The following PKD1 variants were observed in gnomAD, a reference collection of about 807,000 sequenced individuals.
PKD1 encodes polycystin 1, transient receptor potential channel interacting, also known as polycystin-1.
A neutral mutation model predicts 361.7 loss-of-function variants in PKD1; 81 were observed. That is an observed-to-expected ratio of 0.22 (90% CI 0.19 to 0.27). PKD1 has a LOEUF of 0.27. Ranked by LOEUF, PKD1 falls within the 10% of genes least tolerant of loss-of-function variation. The probability of loss-of-function intolerance (pLI) is 1.00; values close to 1 mark genes in which losing one functional copy is unlikely to be tolerated. For missense variants in PKD1, 6,399 were observed against 6,118.3 expected (o/e 1.05, Z -1.53); for synonymous variants, 3,615 against 2,818.3 (o/e 1.28, Z -8.95).
intron 10 of PKD1, 134 bp from the exon 11 acceptor site, chr16:2,115,059 C>T (rs1461380267): frequency 6.0e-6 from 9 of 1,495,390 alleles, no homozygotes; most frequent in African/African-American, 4.1e-5. Flanking sequence ...CCACAGTGCT[C>T]GTGACAAGGA....
chr16:2,119,301 A>G lies in PKD1; in HGVS notation c.287+6T>C. The G allele has an allele frequency of 8.6e-7, 1 of 1,159,060 alleles. No individual in the cohort carries two copies. The highest frequency in any genetic ancestry group is 1.2e-6 in the Non-Finnish European group (1 of 804,046). 71.8% of individuals were successfully genotyped at this position (1,159,060 alleles called of 1,614,324 possible). ...CCGCATGCTGGCACGACTGGGGGAC[A>G]CTCACAGCTCTGCCAGCGCCGAGAG... On this transcript the variant is annotated splice_donor_region_variant and intron_variant, in intron 2 of 45. Transcript: ENST00000262304.
rs995499499 is a variant in PKD1, at chr16:2,114,790, C to T, written c.2233G>A (p.Ala745Thr). The change falls in exon 11 of 46, where the codon GCC (alanine) becomes ACC (threonine). Residue 745 changes from alanine to threonine, a missense_variant. Transcript: ENST00000262304. ...HPGPRAPYLS[A>T]NASSWLPHLP... ...TGGGGCAGCCATGACGAGGCGTTGG[C>T]GGAGAGGTACGGGGCCCGGGGACCA... 3.6e-6 allele frequency: 4 copies of T among 1,126,032 alleles called. No individual in the cohort carries two copies. The highest frequency in any genetic ancestry group is 5.1e-6 in the Non-Finnish European group (4 of 778,114). The allele number at this position is 1,126,032 out of a possible 1,614,324, so 69.8% of individuals were successfully genotyped here. A position where few individuals can be genotyped will look rare whatever the true frequency, so the allele number is the denominator to read the frequency against.
In PKD1 at chr16:2,107,012, C is replaced by T; in HGVS notation, c.7066-64G>A. On this transcript the variant is annotated intron_variant, in intron 16 of 45. Coordinates refer to ENST00000262304, the MANE Select transcript of PKD1 (RefSeq NM_001009944.3). ...TTGGCCTGCTGGAAGGACTGGGGGA[C>T]CCATGGAGGATGCTGCTCCCAAACT... 4 of 1,498,050 alleles carry T rather than the reference C, an allele frequency of 2.7e-6. No homozygotes were observed. The South Asian group carries it at 3.4e-5, about 13-fold the overall frequency. The allele number at this position is 1,498,050 out of a possible 1,614,324, so 92.8% of individuals were successfully genotyped here. A position where few individuals can be genotyped will look rare whatever the true frequency, so the allele number is the denominator to read the frequency against.
Position 2,088,775 on chromosome 16 carries a change from C to G in PKD1, c.*952G>C. On this transcript the variant is annotated 3_prime_UTR_variant, in exon 46 of 46. Transcript: ENST00000262304. ...CGGGGGTTGGGGGGGTGTCGAGGCT[C>G]TAGAAGCGGCCATGCCCACAGAAGT... 2 of 962,976 alleles carry G rather than the reference C, an allele frequency of 2.1e-6. No homozygotes were observed. The highest frequency in any genetic ancestry group is 3.0e-6 in the Non-Finnish European group (2 of 662,532). 59.7% of individuals were successfully genotyped at this position (962,976 alleles called of 1,614,324 possible).
At chr16:2,107,385 C>T in intron 16 of PKD1, 1 of 366,560 alleles carries the variant, frequency 2.7e-6, no homozygotes, top group South Asian at 2.3e-5. Flanking sequence ...CAGACGACCC[C>T]TCTGGGAAGA....
At chr16:2,098,843 T>C (rs954698783) in intron 30 of PKD1, 1 of 134,092 alleles carries the variant, frequency 7.5e-6, no homozygotes, top group Non-Finnish European at 1.6e-5. Flanking sequence ...TTTTTTTTTT[T>C]TTTTGGAGAT....
intron 21 of PKD1, among the ~76,000 whole-genome samples, chr16:2,104,845 A>G (rs565808101): frequency 1.6e-5 from 2 of 121,742 alleles, no homozygotes; most frequent in African/African-American, 6.5e-5. Context: ...CACGTGATGC[A>G]GCCCACCGAC....
rs771788496 is a variant in PKD1, at chr16:2,118,237, G to T, written c.755C>A (p.Pro252Gln). The T allele has an allele frequency of 5.2e-6, 8 of 1,529,268 alleles. No homozygotes were observed. The highest frequency in any genetic ancestry group is 2.0e-5 in the Admixed American group (1 of 51,098). 94.7% of individuals were successfully genotyped at this position (1,529,268 alleles called of 1,614,324 possible). The stretch of plus-strand genomic sequence containing the variant: ...CCTACAGGTGGGGGCAGGAGGTGGC[G>T]GGGGGCCGGAGCAGAGGGACAGGCA... ...FACLSLCSGP[P>Q]PPPAPTCRGP... Residue 252 changes from proline to glutamine, a missense_variant, in exon 5 of 46, where the codon CCG becomes CAG. Physicochemically the swap from Pro to Gln is moderately conservative, Grantham distance 76. Transcript: ENST00000262304. This position sits in a 1 kb window ranked among gnomAD's most constrained non-coding sequence, Gnocchi z 6.0.
rs1038241749 is a variant in PKD1 at position 2,090,654 on chromosome 16, C to T, written c.12138+20G>A. On this transcript the variant is annotated intron_variant, in intron 44 of 45. Transcript: ENST00000262304. ...GCTGAGCTGAGCTAAGACGCCCTCCCCGGCCGCGCAGTCACCTACCAGGAT... is the reference window on the plus strand; with the variant it reads ...GCTGAGCTGAGCTAAGACGCCCTCCTCGGCCGCGCAGTCACCTACCAGGAT... 1 of 1,611,068 alleles carries T rather than the reference C, an allele frequency of 6.2e-7. No individual in the cohort carries two copies. The highest frequency in any genetic ancestry group is 1.3e-5 in the African/African-American group (1 of 74,908).
chr16:2,096,827 T>C, intron 34 of PKD1: 2 of 412,166 alleles, frequency 4.9e-6, no homozygotes, highest in Non-Finnish European at 8.9e-6. Flanking sequence ...AAAAATGGGG[T>C]ATTTAAAAAC....
chr16:2,134,576 A>G (rs1346043335), intron 1 of PKD1, among the ~76,000 whole-genome samples: 1 of 150,986 alleles, frequency 6.6e-6, no homozygotes, highest in East Asian at 1.9e-4. Context: ...GGTCCTGGGC[A>G]CCTCATAGTT....
At position 2,099,174 on chromosome 16, in the gene PKD1, A is replaced by G. The variant is rs531196185; in HGVS notation, c.10050+470T>C. 9 of 338,584 alleles carry G rather than the reference A, an allele frequency of 2.7e-5. No homozygotes were observed. The East Asian group carries it at 7.2e-4, about 27-fold the overall frequency. 21.0% of individuals were successfully genotyped at this position (338,584 alleles called of 1,614,324 possible). On this transcript the variant is annotated intron_variant, in intron 30 of 45. Transcript: ENST00000262304. The stretch of plus-strand genomic sequence containing the variant: ...TAGATGGGGTCTTGCTATGTTGCCC[A>G]GGCTGGTCTCAAACTCCTGGACTCA...
Position 2,108,775 on chromosome 16 carries a change from C to T in PKD1, c.6392G>A (p.Ser2131Asn). 6.4e-7 allele frequency: 1 copy of T among 1,572,268 alleles called. No homozygotes were observed. Among genetic ancestry groups the T allele is most frequent in the Non-Finnish European group, 8.6e-7 (1 of 1,160,094 alleles). Residue 2131 changes from serine to asparagine, a missense_variant, in exon 15 of 46, where the codon AGC becomes AAC. Physicochemically the swap from Ser to Asn is conservative, Grantham distance 46. Transcript: ENST00000262304. ...CACCGTGGCCTGCGCCACGAAGAAG[C>T]TCACCAGGTTGGAGGCGTTCACCTG... ...RVQVNASNLV[S>N]FFVAQATVTV...
In PKD1 at chr16:2,114,549, C is replaced by T. The variant is rs767827858; in HGVS notation, c.2474G>A (p.Arg825Gln). Reference sequence around the variant, plus strand: ...GTCGCGGGGGGCAGGGTAGATGACCCGCAGCCCAGCCACTGGGGAGACCAC... The same window carrying T: ...GTCGCGGGGGGCAGGGTAGATGACCTGCAGCCCAGCCACTGGGGAGACCAC... The part of the protein sequence containing the change: ...FDVVSPVAGL[R>Q]VIYPAPRDGR... Residue 825 changes from arginine (R) to glutamine (Q), a missense_variant, in exon 11 of 46, where the codon CGG becomes CAG. Coordinates refer to ENST00000262304, the MANE Select transcript of PKD1 (RefSeq NM_001009944.3). The T allele has an allele frequency of 1.4e-5, 22 of 1,593,878 alleles. No homozygotes were observed. Among genetic ancestry groups the T allele is most frequent in the East Asian group, 6.7e-5 (3 of 44,756 alleles).
intron 34 of PKD1, chr16:2,096,893 C>G: frequency 1.8e-6 from 1 of 566,232 alleles, no homozygotes; most frequent in Non-Finnish European, 3.2e-6. Flanking sequence ...CCCCGGCCAG[C>G]CTCACACAGG....
At chr16:2,098,192 C>T (rs1163291809) in intron 30 of PKD1, 13 of 599,150 alleles carry the variant, frequency 2.2e-5, no homozygotes, top group Admixed American at 8.7e-5. Context: ...ACTGGTGCAG[C>T]TAAGGAACAG....
chr16:2,127,463 C>A (rs1384735125), intron 1 of PKD1, among the ~76,000 whole-genome samples: 1 of 152,220 alleles, frequency 6.6e-6, no homozygotes, highest in Non-Finnish European at 1.5e-5. Flanking sequence ...TAGGAGTCCA[C>A]CCGCCCAGGC....
chr16:2,094,384 G>C (rs1360035329), intron 34 of PKD1, among the ~76,000 whole-genome samples, 174 bp from the exon 35 acceptor site: 1 of 152,188 alleles, frequency 6.6e-6, no homozygotes, highest in Non-Finnish European at 1.5e-5. Context: ...GGGAGCCAGG[G>C]AACCAAGAGC....
At position 2,092,058 on chromosome 16, in the gene PKD1, C is replaced by T. The variant is rs780113152; in HGVS notation, c.11400G>A (p.Pro3800=). 5.6e-6 allele frequency: 9 copies of T among 1,612,676 alleles called. No homozygotes were observed. In the East Asian group the frequency reaches 6.7e-5, roughly 12 times the overall value. ...CTCGCTCTGCTCACCCCAGCAGATC[C>T]GGCGCTGAATAGGCCCACGTCCCCG... is the stretch of plus-strand genomic sequence containing the variant. The part of the protein sequence containing the change: ...NGSGTWAYSA[P]DLLGAWSWGS... Residue 3800 remains proline, a synonymous_variant, in exon 40 of 46, where the codon CCG becomes CCA. Transcript: ENST00000262304.
Sources: allele counts gnomAD v4.1 joint callset (sites outside exome capture counted in the v4.1 genomes callset), GRCh38; gene constraint gnomAD v4.1.1; non-coding constraint Gnocchi (gnomAD v3.1); transcripts MANE v1.5; gene names NCBI Gene and HGNC (gene_info 2026-07-23, HGNC 2026-07-21).